CACNA1C: variants seen among roughly 807,000 people sequenced by gnomAD.
The protein encoded by CACNA1C is calcium voltage-gated channel subunit alpha1 C.
A neutral mutation model predicts 229.0 loss-of-function variants in CACNA1C; 30 were observed. That is an observed-to-expected ratio of 0.13 (90% confidence interval 0.10 to 0.18). The LOEUF (loss-of-function observed/expected upper bound fraction) is 0.18, where lower values mean the gene tolerates loss of function less well. CACNA1C is among the 10% of genes least tolerant of loss of function. The probability of loss-of-function intolerance (pLI) is 1.00; values close to 1 mark genes in which losing one functional copy is unlikely to be tolerated. For synonymous variants in CACNA1C, 1,114 were observed against 1,132.5 expected (o/e 0.98, Z 0.33); for missense variants, 1,658 against 2,845.0 (o/e 0.58, Z 9.49).
intron 5 of CACNA1C, among the ~76,000 whole-genome samples, chr12:2,474,493 G>A (rs545691687): frequency 3.3e-5 from 5 of 152,282 alleles, no homozygotes; most frequent in East Asian, 3.9e-4. Context: ...AGTAGCTCAC[G>A]CCTATAATCC....
intron 9 of CACNA1C, among the ~76,000 whole-genome samples, chr12:2,544,469 C>T (rs2099877427): frequency 6.6e-6 from 1 of 152,194 alleles, no homozygotes; most frequent in Non-Finnish European, 1.5e-5. Context: ...ACCAACTTCC[C>T]ACCTGCATTT....
chr12:2,487,193 A>AT (rs1199481364), intron 6 of CACNA1C, among the ~76,000 whole-genome samples: 2 of 151,782 alleles, frequency 1.3e-5, no homozygotes, highest in Non-Finnish European at 2.9e-5. Flanking sequence ...AATATATATG[A>AT]TTTTTTTCAC....
intron 3 of CACNA1C, among the ~76,000 whole-genome samples, chr12:2,337,260 A>G (rs992834321): frequency 6.6e-6 from 1 of 152,200 alleles, no homozygotes; most frequent in Non-Finnish European, 1.5e-5. Flanking sequence ...CTGAGTGAGC[A>G]TTCAGGGTAA....
intron 5 of CACNA1C, among the ~76,000 whole-genome samples, chr12:2,460,569 G>A (rs1347056473): frequency 2.0e-5 from 3 of 152,210 alleles, no homozygotes; most frequent in Admixed American, 2.0e-4. Context: ...CGAGGACGGA[G>A]CCCTGTCTCC....
At position 2,608,540 on chromosome 12, in the gene CACNA1C, C is replaced by T. The variant is rs374549078; in HGVS notation, c.3386C>T (p.Thr1129Met). ...ELLYRSIDSH[T>M]EDKGPIYNYR... The stretch of plus-strand genomic sequence containing the variant: ...CTGTACCGCTCCATCGACTCCCACA[C>T]GGAAGACAAGGGCCCCATCTACAAC... Residue 1129 changes from threonine to methionine, a missense_variant, in exon 27 of 47, where the codon ACG (threonine) becomes ATG (methionine). Thr to Met is a moderately conservative substitution (Grantham distance 81, BLOSUM62 -1). Coordinates refer to ENST00000399655, the MANE Select transcript of CACNA1C (RefSeq NM_000719.7). This position sits in a 1 kb window ranked among gnomAD's most constrained non-coding sequence, Gnocchi z 4.2. 62 of 1,612,554 alleles carry T rather than the reference C, an allele frequency of 3.8e-5. No individual in the cohort carries two copies. The highest frequency in any genetic ancestry group is 7.7e-5 in the South Asian group (7 of 90,758).
chr12:2,455,539 G>A (rs2099412290), intron 4 of CACNA1C, among the ~76,000 whole-genome samples: 1 of 152,132 alleles, frequency 6.6e-6, no homozygotes, highest in South Asian at 2.1e-4. Flanking sequence ...CCTAGCAAAG[G>A]TAAATTACAC....
At chr12:2,453,424 G>T (rs538857844) in intron 4 of CACNA1C, among the ~76,000 whole-genome samples, 1 of 152,180 alleles carries the variant, frequency 6.6e-6, no homozygotes, top group South Asian at 2.1e-4. Flanking sequence ...CTAATACCTG[G>T]GCTCCCTCCT....
intron 1 of CACNA1C, among the ~76,000 whole-genome samples, chr12:2,001,794 C>T (rs1047042825): frequency 6.6e-5 from 10 of 152,298 alleles, no homozygotes; most frequent in Non-Finnish European, 1.3e-4. Context: ...CACTTTAGGG[C>T]AGTTTTCAGG....
chr12:2,031,749 T>C (rs968074881), intron 1 of CACNA1C, among the ~76,000 whole-genome samples: 2 of 152,208 alleles, frequency 1.3e-5, no homozygotes, highest in Non-Finnish European at 2.9e-5. Flanking sequence ...AGGAATGCTT[T>C]GATACCATTT....
intron 3 of CACNA1C, among the ~76,000 whole-genome samples, chr12:2,204,946 AT>A (rs944514186): frequency 1.5e-5 from 2 of 131,178 alleles, no homozygotes; most frequent in East Asian, 2.2e-4. Context: ...ATAAAAAAAA[AT>A]AAATTAATTA....
chr12:2,439,108 G>A (rs7313403), intron 3 of CACNA1C, among the ~76,000 whole-genome samples: 21,666 of 152,144 alleles, frequency 0.14, 1,753 homozygotes, highest in Admixed American at 0.18. Flanking sequence ...CTGTGGCCAC[G>A]CTCTGACACA....
At chr12:2,126,154 TAAATA>T (rs2089955664) in intron 3 of CACNA1C, among the ~76,000 whole-genome samples, 1 of 152,210 alleles carries the variant, frequency 6.6e-6, no homozygotes, top group South Asian at 2.1e-4. Flanking sequence ...TCTCATTATT[TAAATA>T]AAAGTCTGTT....
At chr12:2,584,378 A>C (rs1238022617) in intron 15 of CACNA1C, 125 bp from the exon 16 acceptor site, 4 of 657,902 alleles carry the variant, frequency 6.1e-6, no homozygotes, top group African/African-American at 1.8e-5. Context: ...ACTCCCTCAA[A>C]TTGCTTCCCC....
In CACNA1C at chr12:2,647,383, C is replaced by T. The variant is rs1352046462; in HGVS notation, c.3913-1092C>T. Among the ~76,000 whole-genome samples the T allele has an allele frequency of 6.6e-6, 1 of 152,186 alleles. No homozygotes were observed. The highest frequency in any genetic ancestry group is 1.9e-4 in the East Asian group (1 of 5,178). Reference sequence around the variant, plus strand: ...CTGGCCCTGGGATACTCACCAGAGGCCAGTTTCCTCAGCTCCTACCCCCAA... The same window carrying T: ...CTGGCCCTGGGATACTCACCAGAGGTCAGTTTCCTCAGCTCCTACCCCCAA... On this transcript the variant is annotated intron_variant, in intron 30 of 46. Transcript: ENST00000399655. The surrounding 1 kb of genome is among the most constrained non-coding windows in gnomAD (Gnocchi z 4.2).
chr12:2,648,546 G>A (rs1279448361), intron 31 of CACNA1C, 39 bp downstream of exon 31: 1 of 1,604,668 alleles, frequency 6.2e-7, no homozygotes, highest in Non-Finnish European at 8.5e-7. Flanking sequence ...CGGCTTCCGT[G>A]TCCCCCTCTA....
chr12:2,609,693 G>A (rs1177875753), intron 27 of CACNA1C, among the ~76,000 whole-genome samples: 1 of 151,852 alleles, frequency 6.6e-6, no homozygotes, highest in Non-Finnish European at 1.5e-5. Flanking sequence ...CCCAGTTCCT[G>A]ATCTGGAAGC....
At chr12:2,066,987 A>C (rs1215295837) in intron 1 of CACNA1C, among the ~76,000 whole-genome samples, 1 of 152,124 alleles carries the variant, frequency 6.6e-6, no homozygotes, top group African/African-American at 2.4e-5. Context: ...GAGACACCCA[A>C]AGAAATCCAC....
At chr12:2,018,646 G>A (rs1022278117) in intron 1 of CACNA1C, among the ~76,000 whole-genome samples, 1 of 152,170 alleles carries the variant, frequency 6.6e-6, no homozygotes, top group Non-Finnish European at 1.5e-5. Flanking sequence ...ATGATGGGAC[G>A]GAGCTCATTC....
intron 1 of CACNA1C, among the ~76,000 whole-genome samples, chr12:2,042,785 C>T (rs918772775): frequency 6.6e-6 from 1 of 152,168 alleles, no homozygotes; most frequent in Non-Finnish European, 1.5e-5. Context: ...AGTTGAGGGT[C>T]TGGAAATGAA....
Sources: gnomAD v4.1 joint callset for allele counts (sites outside exome capture counted in the v4.1 genomes callset) on GRCh38, gnomAD v4.1.1 for gene constraint, Gnocchi (gnomAD v3.1) non-coding constraint, MANE v1.5 for transcripts, NCBI Gene and HGNC (gene_info 2026-07-23, HGNC 2026-07-21) for gene names.